NAA11: variants seen among roughly 807,000 people sequenced by gnomAD.
The protein encoded by NAA11 is N-alpha-acetyltransferase 11, NatA catalytic subunit.
NAA11 carries 15 observed loss-of-function variants against 16.1 expected under a neutral mutation model. The observed-to-expected ratio is 0.93, with a 90% CI of 0.62 to 1.44. The LOEUF is 1.44. Ranked by LOEUF, NAA11 falls within the 40% of genes most tolerant of loss-of-function variation. NAA11 has a pLI of 0.00. For synonymous variants in NAA11, 122 were observed against 112.4 expected (o/e 1.09, Z -0.54); for missense variants, 298 against 291.3 (o/e 1.02, Z -0.17).
chr4:79,164,133 G>T, the NAA11 span, among the ~76,000 whole-genome samples: 1 of 151,972 alleles, frequency 6.6e-6, no homozygotes, highest in Admixed American at 6.6e-5. Flanking sequence ...CCCATCCTGT[G>T]CTTTTAAGAA....
chr4:79,213,480 C>T, the NAA11 span, among the ~76,000 whole-genome samples: 3 of 151,984 alleles, frequency 2.0e-5, no homozygotes, highest in Non-Finnish European at 2.9e-5. Flanking sequence ...GAAATTTTAT[C>T]AGCATAAACT....
At chr4:79,319,370 T>TA (rs958655070) in intron 1 of NAA11, among the ~76,000 whole-genome samples, 298 of 151,812 alleles carry the variant, frequency 2.0e-3, no homozygotes, top group African/African-American at 6.4e-3. Flanking sequence ...GGCTTTACTT[T>TA]AAAAAAAAAT....
intron 1 of NAA11, among the ~76,000 whole-genome samples, chr4:79,321,260 C>T (rs569917283): frequency 1.3e-5 from 2 of 152,328 alleles, no homozygotes; most frequent in South Asian, 4.2e-4. Flanking sequence ...TCCAGAGCAC[C>T]ACTAGGATGT....
the NAA11 span, among the ~76,000 whole-genome samples, chr4:79,157,586 C>CAT: frequency 5.3e-5 from 8 of 151,034 alleles, no homozygotes; most frequent in Admixed American, 2.6e-4. Context: ...TACATATATA[C>CAT]GTGTGTGTGT....
At chr4:79,162,913 A>T in the NAA11 span, among the ~76,000 whole-genome samples, 1 of 152,222 alleles carries the variant, frequency 6.6e-6, no homozygotes. Flanking sequence ...TATTTTTCAT[A>T]TATTATTATA....
chr4:79,237,014 C>T (rs990170268), intron 2 of NAA11, among the ~76,000 whole-genome samples: 7 of 152,158 alleles, frequency 4.6e-5, no homozygotes, highest in African/African-American at 1.7e-4. Flanking sequence ...GTGTAAAATA[C>T]CATCAATCTG....
downstream of NAA11, among the ~76,000 whole-genome samples, chr4:79,220,928 G>A (rs544764673): frequency 2.0e-5 from 3 of 151,978 alleles, no homozygotes; most frequent in Non-Finnish European, 4.4e-5. Flanking sequence ...TTGGTAGCTT[G>A]ATGGGGATGG....
At chr4:79,177,317 G>A in the NAA11 span, among the ~76,000 whole-genome samples, 34 of 151,606 alleles carry the variant, frequency 2.2e-4, no homozygotes, top group African/African-American at 3.6e-4. Flanking sequence ...CCCAGAAGAC[G>A]GTGTCTCCCC....
At chr4:79,261,738 G>A (rs1192341062) in intron 2 of NAA11, among the ~76,000 whole-genome samples, 1 of 152,170 alleles carries the variant, frequency 6.6e-6, no homozygotes, top group Non-Finnish European at 1.5e-5. Flanking sequence ...ATCCAAGTGT[G>A]TAGAAATATC....
In NAA11 at chr4:79,298,129, A is replaced by G. The variant is rs536503828; in HGVS notation, c.*13-4015T>C. ...GAGAGGTTCTATCCTCTCTGCTAGG[A>G]GCTGAACACTCATCTGGACACCCTG... is the stretch of plus-strand genomic sequence containing the variant. On this transcript the variant is annotated intron_variant and NMD_transcript_variant, in intron 1 of 2. Coordinates refer to the NAA11 transcript ENST00000511542. 2.6e-5 allele frequency among the ~76,000 whole-genome samples: 4 copies of G among 152,220 alleles called. No individual in the cohort carries two copies. In the South Asian group the frequency reaches 8.3e-4, roughly 32 times the overall value.
intron 2 of NAA11, among the ~76,000 whole-genome samples, chr4:79,286,844 G>A (rs1722950162): frequency 6.6e-6 from 1 of 151,960 alleles, no homozygotes; most frequent in Non-Finnish European, 1.5e-5. Flanking sequence ...CCAGCCATTT[G>A]TTACTTTTCT....
At chr4:79,278,103 C>A (rs1722703793) in intron 2 of NAA11, among the ~76,000 whole-genome samples, 1 of 152,026 alleles carries the variant, frequency 6.6e-6, no homozygotes, top group Non-Finnish European at 1.5e-5. Flanking sequence ...TCAACCTAAA[C>A]CCCATTCAAT....
At chr4:79,265,097 T>C (rs1251397538) in intron 2 of NAA11, among the ~76,000 whole-genome samples, 2 of 152,218 alleles carry the variant, frequency 1.3e-5, no homozygotes, top group South Asian at 2.1e-4. Flanking sequence ...ATCCTCCCAG[T>C]TGGTCGGATA....
intron 1 of NAA11, among the ~76,000 whole-genome samples, chr4:79,304,499 C>A (rs1723506386): frequency 3.3e-5 from 5 of 151,878 alleles, no homozygotes; most frequent in Admixed American, 3.3e-4. Context: ...TTTTATTTTG[C>A]TTTAATAACA....
chr4:79,308,532 G>T (rs1462509487), intron 1 of NAA11: 2 of 152,112 alleles, frequency 1.3e-5, no homozygotes, highest in Non-Finnish European at 2.9e-5. Flanking sequence ...CAATAAAAAT[G>T]ATGTCAAGCC....
chr4:79,324,411 G>A (rs947629750), intron 1 of NAA11, among the ~76,000 whole-genome samples: 4 of 152,264 alleles, frequency 2.6e-5, no homozygotes, highest in Non-Finnish European at 5.9e-5. Flanking sequence ...AATGTCCATA[G>A]CAGTTGAGTT....
chr4:79,210,338 G>C, the NAA11 span, among the ~76,000 whole-genome samples: 3 of 152,094 alleles, frequency 2.0e-5, no homozygotes, highest in Non-Finnish European at 4.4e-5. Context: ...GATCAGTTAG[G>C]GTAGAGCATG....
downstream of NAA11, among the ~76,000 whole-genome samples, chr4:79,224,969 C>A (rs796554949): frequency 5.9e-5 from 9 of 152,104 alleles, no homozygotes; most frequent in African/African-American, 2.2e-4. Context: ...CAAGAAACTT[C>A]TGAGCACTTG....
chr4:79,190,645 C>A, the NAA11 span, among the ~76,000 whole-genome samples: 1 of 151,660 alleles, frequency 6.6e-6, no homozygotes, highest in Non-Finnish European at 1.5e-5. Flanking sequence ...GGAGCTGACA[C>A]TTTATTGTTT....
Sources: gnomAD v4.1 joint callset for allele counts (sites outside exome capture counted in the v4.1 genomes callset) on GRCh38, gnomAD v4.1.1 for gene constraint, MANE v1.5 for transcripts, NCBI Gene and HGNC (gene_info 2026-07-23, HGNC 2026-07-21) for gene names.